MKX: variants seen among roughly 807,000 people sequenced by gnomAD.
MKX encodes the protein homeobox protein Mohawk.
MKX carries 13 observed loss-of-function variants against 36.0 expected under a neutral mutation model. The ratio of observed to expected loss-of-function variants is 0.36; its 90% CI spans 0.24 to 0.57. The LOEUF is 0.57. MKX is among the 20% of genes least tolerant of loss of function. The pLI, the probability that MKX is intolerant of heterozygous loss-of-function variation, is 0.79. For missense variants in MKX, 458 were observed against 456.4 expected (o/e 1.00, Z -0.03); for synonymous variants, 176 against 178.3 (o/e 0.99, Z 0.10).
At chr10:27,739,418 C>T (rs1257202746) in intron 3 of MKX, among the ~76,000 whole-genome samples, 2 of 151,986 alleles carry the variant, frequency 1.3e-5, no homozygotes, top group Non-Finnish European at 2.9e-5. Flanking sequence ...CTTAAAATTA[C>T]ATATTTCTGT....
rs1483093694 is a variant in MKX, at chr10:27,683,277, T to A, written c.839-7723A>T. Among the ~76,000 whole-genome samples, 3 of 152,238 alleles carry A rather than the reference T, an allele frequency of 2.0e-5. No individual in the cohort carries two copies. In the East Asian group the frequency reaches 5.8e-4, roughly 29 times the overall value. ...ATGTGAAGGTATGTTTAGATACATA[T>A]TTTTAATGCTTACCATTGGTTCCGA... is the stretch of plus-strand genomic sequence containing the variant. On this transcript the variant is annotated intron_variant, in intron 5 of 6. Transcript: ENST00000419761.
chr10:27,731,335 A>G (rs1297680517), intron 5 of MKX, among the ~76,000 whole-genome samples: 2 of 152,172 alleles, frequency 1.3e-5, no homozygotes, highest in African/African-American at 4.8e-5. Context: ...GATGGAATTG[A>G]AAGAATTCAG....
At chr10:27,716,436 C>A (rs114762175) in intron 5 of MKX, among the ~76,000 whole-genome samples, 252 of 127,514 alleles carry the variant, frequency 2.0e-3, no homozygotes, top group Middle Eastern at 8.7e-3. Flanking sequence ...AAAAAAAAAG[C>A]AAAAAAAAAA....
intron 5 of MKX, among the ~76,000 whole-genome samples, chr10:27,690,257 G>C (rs1836428708): frequency 6.9e-6 from 1 of 145,118 alleles, no homozygotes; most frequent in Admixed American, 7.1e-5. Flanking sequence ...TGTAATCCCA[G>C]CTACTCAGGA....
intron 5 of MKX, among the ~76,000 whole-genome samples, chr10:27,728,470 T>C (rs953949780): frequency 2.0e-5 from 3 of 152,248 alleles, no homozygotes; most frequent in Non-Finnish European, 2.9e-5. Context: ...TATGGTTTCA[T>C]GGATAGAGTG....
chr10:27,699,043 A>T (rs747188211), intron 5 of MKX, among the ~76,000 whole-genome samples: 13 of 152,256 alleles, frequency 8.5e-5, no homozygotes, highest in Non-Finnish European at 1.3e-4. Context: ...TTAGTCACAC[A>T]TCCTTAATCC....
intron 5 of MKX, among the ~76,000 whole-genome samples, chr10:27,728,548 A>AT (rs1330163652): frequency 6.6e-6 from 1 of 152,188 alleles, no homozygotes; most frequent in African/African-American, 2.4e-5. Flanking sequence ...CTTAATTGTC[A>AT]TTTTTGCATG....
rs1836084501 is a variant in MKX, at chr10:27,673,373, C to T, written c.*1856G>A. On this transcript the variant is annotated 3_prime_UTR_variant, in exon 7 of 7. Coordinates refer to ENST00000419761, the MANE Select transcript of MKX (RefSeq NM_173576.3). ...TAACTGAAATATGTCAAAACAAAAA[C>T]ACTTTTATTAACATATTTAATACCA... is the stretch of plus-strand genomic sequence containing the variant. 6.6e-6 allele frequency: 1 copy of T among 152,468 alleles called. No homozygotes were observed. Among genetic ancestry groups the T allele is most frequent in the African/African-American group, 2.4e-5 (1 of 41,388 alleles). 9.4% of individuals were successfully genotyped at this position (152,468 alleles called of 1,614,324 possible). A position where few individuals can be genotyped will look rare whatever the true frequency, so the allele number is the denominator to read the frequency against.
At chr10:27,688,457 AAG>A (rs753015938) in intron 5 of MKX, among the ~76,000 whole-genome samples, 2 of 152,198 alleles carry the variant, frequency 1.3e-5, no homozygotes, top group Non-Finnish European at 2.9e-5. Flanking sequence ...TGCCAAGACA[AAG>A]AGACCTGGAG....
chr10:27,692,833 T>C (rs190319791), intron 5 of MKX, among the ~76,000 whole-genome samples: 10 of 152,340 alleles, frequency 6.6e-5, no homozygotes, highest in African/African-American at 2.4e-4. Flanking sequence ...ATTTGGTTAT[T>C]TTTAGTCTGT....
At chr10:27,732,442 A>G (rs1391965640) in intron 5 of MKX, among the ~76,000 whole-genome samples, 1 of 152,180 alleles carries the variant, frequency 6.6e-6, no homozygotes, top group Admixed American at 6.5e-5. Context: ...TGTGCATAGT[A>G]CTTCATCATA....
intron 5 of MKX, among the ~76,000 whole-genome samples, chr10:27,718,367 A>G (rs1247995379): frequency 1.3e-5 from 2 of 152,142 alleles, no homozygotes. Flanking sequence ...GTTTTGTTTT[A>G]TTTTGATGTA....
chr10:27,735,434 T>G (rs1009972472), intron 3 of MKX, 60 bp from the exon 4 acceptor site: 5 of 1,462,816 alleles, frequency 3.4e-6, no homozygotes, highest in Non-Finnish European at 4.7e-6. Flanking sequence ...GGTGCGATTA[T>G]TTTCTCATAA....
At chr10:27,709,377 A>T (rs937669401) in intron 5 of MKX, among the ~76,000 whole-genome samples, 1 of 152,198 alleles carries the variant, frequency 6.6e-6, no homozygotes, top group Non-Finnish European at 1.5e-5. Context: ...ATTTTACATA[A>T]GAGACTTGAG....
rs77120767 is a variant in MKX at position 27,677,226 on chromosome 10, A to T, written c.839-1672T>A. ...GTGCTGCACACAGGAAACCTGGAAA[A>T]CGCAAGGCCCTCTGCTAGTTCTACG... On this transcript the variant is annotated intron_variant, in intron 5 of 6. Coordinates refer to ENST00000419761, the MANE Select transcript of MKX (RefSeq NM_173576.3). Among the ~76,000 whole-genome samples, 210 of 152,208 alleles carry T rather than the reference A, an allele frequency of 1.4e-3. 1 individual carries two copies. The highest frequency in any genetic ancestry group is 4.7e-3 in the African/African-American group (197 of 41,536).
intron 5 of MKX, among the ~76,000 whole-genome samples, chr10:27,676,854 GA>G (rs1836162062): frequency 6.6e-6 from 1 of 152,204 alleles, no homozygotes; most frequent in South Asian, 2.1e-4. Flanking sequence ...TGCAGGAAAT[GA>G]AAGTTAGGAT....
intron 5 of MKX, among the ~76,000 whole-genome samples, chr10:27,686,759 G>A (rs1836363021): frequency 6.6e-6 from 1 of 152,144 alleles, no homozygotes; most frequent in African/African-American, 2.4e-5. Context: ...TTACCAGCAT[G>A]AGCCACCGTG....
Position 27,734,476 on chromosome 10 carries a change from C to G in MKX, c.818G>C (p.Gly273Ala). The G allele has an allele frequency of 6.2e-7, 1 of 1,614,010 alleles. No individual in the cohort carries two copies. The highest frequency in any genetic ancestry group is 8.5e-7 in the Non-Finnish European group (1 of 1,179,944). Residue 273 changes from glycine (G) to alanine (A), a missense_variant, in exon 5 of 7, where the codon GGC becomes GCC. By Grantham distance (60) the Gly-to-Ala change is moderately conservative. Around this residue, in one of 3 missense-constraint regions of MKX, gnomAD observed 297 missense variants for 304.4 expected, o/e 0.98. Coordinates refer to ENST00000419761, the MANE Select transcript of MKX (RefSeq NM_173576.3). ...LVSPSSSETEGNFVYRTDTLE... is the reference protein window; with the variant it reads ...LVSPSSSETEANFVYRTDTLE... ...CTTACCTGTGCGATAGACAAAGTTGCCTTCAGTTTCTGATGACGATGGAGA... is the reference window on the plus strand; with the variant it reads ...CTTACCTGTGCGATAGACAAAGTTGGCTTCAGTTTCTGATGACGATGGAGA...
At chr10:27,680,738 G>A (rs922734237) in intron 5 of MKX, among the ~76,000 whole-genome samples, 2 of 152,222 alleles carry the variant, frequency 1.3e-5, no homozygotes, top group Admixed American at 6.5e-5. Flanking sequence ...CCACTGAAAC[G>A]TAAGTAAAAT....
Sources: gnomAD v4.1 joint callset for allele counts (sites outside exome capture counted in the v4.1 genomes callset) on GRCh38, gnomAD v4.1.1 for gene constraint, gnomAD v4.1.1 regional missense constraint, MANE v1.5 for transcripts, NCBI Gene and HGNC (gene_info 2026-07-23, HGNC 2026-07-21) for gene names.